Variants in APH1B observed in about 807,000 individuals in gnomAD.
APH1B encodes the protein gamma-secretase subunit APH-1B.
A neutral mutation model predicts 28.2 loss-of-function variants in APH1B; 27 were observed. The observed-to-expected ratio is 0.96, with a 90% CI of 0.70 to 1.32. APH1B has a LOEUF of 1.32. Ranked by LOEUF, APH1B falls within the 40% of genes most tolerant of loss-of-function variation. The pLI, the probability that APH1B is intolerant of heterozygous loss-of-function variation, is 0.00. For missense variants in APH1B, 305 were observed against 313.6 expected (o/e 0.97, Z 0.21); for synonymous variants, 141 against 124.6 (o/e 1.13, Z -0.88).
At chr15:63,278,138 G>A (rs2038345359) in intron 1 of APH1B, among the ~76,000 whole-genome samples, 1 of 151,838 alleles carries the variant, frequency 6.6e-6, no homozygotes, top group Non-Finnish European at 1.5e-5. Context: ...CGCGACTTCC[G>A]CCTATTAGAA....
chr15:63,294,815 T>C lies in APH1B; in HGVS notation c.478+7269T>C, dbSNP rs557828483. Reference sequence around the variant, plus strand: ...GATCAAAGTCCTTTGTTTCGGGTGGTAAGCTACATTTTCATCTCTAGTGAG... The same window carrying C: ...GATCAAAGTCCTTTGTTTCGGGTGGCAAGCTACATTTTCATCTCTAGTGAG... On this transcript the variant is annotated intron_variant, in intron 4 of 5. Coordinates refer to ENST00000261879, the MANE Select transcript of APH1B (RefSeq NM_031301.4). Among the ~76,000 whole-genome samples the C allele has an allele frequency of 5.9e-5, 9 of 152,360 alleles. No individual in the cohort carries two copies. In the South Asian group the frequency reaches 1.7e-3, roughly 28 times the overall value.
intron 1 of APH1B, chr15:63,278,242 G>GAAAA: frequency 4.7e-6 from 2 of 427,450 alleles, no homozygotes; most frequent in South Asian, 1.6e-5. Context: ...TCGGGCTTCA[G>GAAAA]AAAAAAAAAA....
At position 63,305,659 on chromosome 15, in the gene APH1B, A is replaced by G; in HGVS notation, c.652A>G (p.Ile218Val). The change falls in exon 6 of 6, where the codon ATA becomes GTA. Residue 218 changes from isoleucine to valine, a missense_variant. Physicochemically the swap from Ile to Val is conservative, Grantham distance 29. Coordinates refer to ENST00000261879, the MANE Select transcript of APH1B (RefSeq NM_031301.4). Reference sequence around the variant, plus strand: ...TGGAATAAACCTGGCGTCAGCATTTATAATCCTGGTGCTCATGGGCACCTG... The same window carrying G: ...TGGAATAAACCTGGCGTCAGCATTTGTAATCCTGGTGCTCATGGGCACCTG... Reference protein sequence around the residue: ...YYGINLASAFIILVLMGTWAF... With the variant: ...YYGINLASAFVILVLMGTWAF... The G allele has an allele frequency of 6.2e-7, 1 of 1,614,212 alleles. No individual in the cohort carries two copies. The highest frequency in any genetic ancestry group is 8.5e-7 in the Non-Finnish European group (1 of 1,180,034).
rs181611601 is a variant in APH1B, at chr15:63,293,325, T to C, written c.478+5779T>C. 6.4e-3 allele frequency among the ~76,000 whole-genome samples: 967 copies of C among 150,918 alleles called. 8 individuals carry two copies. Among genetic ancestry groups the C allele is most frequent in the African/African-American group, 0.021 (878 of 41,128 alleles). ...GACTACAGGCGCCTGCCACCACGCC[T>C]GGCTAATTTTTTGTATTTTTAGTAG... On this transcript the variant is annotated intron_variant, in intron 4 of 5. Coordinates refer to ENST00000261879, the MANE Select transcript of APH1B (RefSeq NM_031301.4).
intron 2 of APH1B, among the ~76,000 whole-genome samples, chr15:63,284,249 T>C (rs902527623): frequency 1.3e-5 from 2 of 150,896 alleles, no homozygotes; most frequent in African/African-American, 4.9e-5. Flanking sequence ...AGGGCCTCTC[T>C]GTTGCCCAGG....
chr15:63,286,339 G>T (rs7162752), intron 2 of APH1B, among the ~76,000 whole-genome samples: 4 of 152,120 alleles, frequency 2.6e-5, no homozygotes, highest in East Asian at 3.8e-4. Context: ...TTCTTTTATG[G>T]GAATGTCAAA....
intron 2 of APH1B, 74 bp downstream of exon 2, chr15:63,279,405 A>C (rs2038361722): frequency 7.1e-7 from 1 of 1,414,990 alleles, no homozygotes; most frequent in Admixed American, 1.8e-5. Flanking sequence ...TTGAAACGTG[A>C]ATATAGTATT....
chr15:63,307,305 C>G lies in APH1B; in HGVS notation c.*1524C>G, dbSNP rs2038696370. On this transcript the variant is annotated 3_prime_UTR_variant, in exon 6 of 6. Coordinates refer to ENST00000261879, the MANE Select transcript of APH1B (RefSeq NM_031301.4). Reference sequence around the variant, plus strand: ...TCATTCCAGAGACCAAAACCTTACTCATGAACTAGACCTTTATCGATATCA... The same window carrying G: ...TCATTCCAGAGACCAAAACCTTACTGATGAACTAGACCTTTATCGATATCA... The G allele has an allele frequency of 6.6e-6, 1 of 152,158 alleles. No homozygotes were observed. The highest frequency in any genetic ancestry group is 1.5e-5 in the Non-Finnish European group (1 of 68,026). 9.4% of individuals were successfully genotyped at this position (152,158 alleles called of 1,614,324 possible).
chr15:63,286,153 G>T (rs2038443045), intron 2 of APH1B, among the ~76,000 whole-genome samples: 1 of 152,118 alleles, frequency 6.6e-6, no homozygotes, highest in South Asian at 2.1e-4. Context: ...AGAACAAAGT[G>T]CCAACAAAGC....
intron 2 of APH1B, 32 bp from the exon 3 acceptor site, chr15:63,286,526 T>G: frequency 6.8e-7 from 1 of 1,480,574 alleles, no homozygotes; most frequent in Non-Finnish European, 9.0e-7. Context: ...TTTTTTTTTT[T>G]CTTCTTAATT....
At position 63,287,552 on chromosome 15, in the gene APH1B, T is replaced by C. The variant is rs2038461266; in HGVS notation, c.478+6T>C. 1 of 1,613,564 alleles carries C rather than the reference T, an allele frequency of 6.2e-7. No homozygotes were observed. Among genetic ancestry groups the C allele is most frequent in the African/African-American group, 1.3e-5 (1 of 74,902 alleles). ...TCAATTCTTCCTTTATTCAGGTATGTGTCTCATAGCTGTCAACATTCAGGC... is the reference window on the plus strand; with the variant it reads ...TCAATTCTTCCTTTATTCAGGTATGCGTCTCATAGCTGTCAACATTCAGGC... On this transcript the variant is annotated splice_donor_region_variant and intron_variant, in intron 4 of 5. Coordinates refer to ENST00000261879, the MANE Select transcript of APH1B (RefSeq NM_031301.4).
chr15:63,285,753 C>T (rs2038438844), intron 2 of APH1B, among the ~76,000 whole-genome samples: 1 of 152,182 alleles, frequency 6.6e-6, no homozygotes, highest in Admixed American at 6.5e-5. Flanking sequence ...CCACCATGCT[C>T]GGCTGAAGAT....
chr15:63,301,150 A>G (rs1173707732), intron 4 of APH1B, among the ~76,000 whole-genome samples: 1 of 152,226 alleles, frequency 6.6e-6, no homozygotes, highest in African/African-American at 2.4e-5. Flanking sequence ...GAGTTCTAAC[A>G]AGTTCCCAGG....
At chr15:63,280,286 A>G (rs1364066669) in intron 2 of APH1B, among the ~76,000 whole-genome samples, 1 of 152,222 alleles carries the variant, frequency 6.6e-6, no homozygotes, top group Non-Finnish European at 1.5e-5. Context: ...AGGACCTCAC[A>G]TGAAACCACT....
intron 4 of APH1B, chr15:63,292,095 T>A (rs2038512183): frequency 6.6e-6 from 1 of 152,224 alleles, no homozygotes; most frequent in Admixed American, 6.5e-5. Flanking sequence ...ATCTCTACAG[T>A]GTGGCAGTTT....
Position 63,304,750 on chromosome 15 carries a change from A to C in APH1B, c.607-864A>C, listed in dbSNP as rs2038668787. On this transcript the variant is annotated intron_variant, in intron 5 of 5. Coordinates refer to ENST00000261879, the MANE Select transcript of APH1B (RefSeq NM_031301.4). This position sits in a 1 kb window ranked among gnomAD's most constrained non-coding sequence, Gnocchi z 5.1. ...CTTTTGTAATTGTTTAAAAGAGGAA[A>C]AATGTTTTTTAAAGAAGAGAAGAAC... Among the ~76,000 whole-genome samples the C allele has an allele frequency of 6.6e-6, 1 of 152,228 alleles. No homozygotes were observed.
At chr15:63,288,224 T>G (rs1256146601) in intron 4 of APH1B, among the ~76,000 whole-genome samples, 1 of 152,238 alleles carries the variant, frequency 6.6e-6, no homozygotes, top group African/African-American at 2.4e-5. Context: ...ATGATTTGTA[T>G]CTTCTTTTAA....
In APH1B at chr15:63,300,395, T is replaced by TTG. The variant is rs1483818831; in HGVS notation, c.479-1948_479-1947dup. Among the ~76,000 whole-genome samples the TTG allele has an allele frequency of 3.9e-5, 6 of 152,342 alleles. No homozygotes were observed. The East Asian group carries it at 1.2e-3, about 29-fold the overall frequency. On this transcript the variant is annotated intron_variant, in intron 4 of 5. Coordinates refer to ENST00000261879, the MANE Select transcript of APH1B (RefSeq NM_031301.4). ...GTCATTGCTTTCTCTTGACATTTGA[T>TTG]TGTCATCTAGATTCTGAAAAACCCT... is the stretch of plus-strand genomic sequence containing the variant.
intron 2 of APH1B, among the ~76,000 whole-genome samples, chr15:63,279,725 C>T (rs2038365084): frequency 1.3e-5 from 2 of 151,218 alleles, no homozygotes; most frequent in Admixed American, 1.3e-4. Flanking sequence ...GCTAGGGAAG[C>T]ATTAAAACAA....
Sources: allele counts gnomAD v4.1 joint callset (sites outside exome capture counted in the v4.1 genomes callset), GRCh38; gene constraint gnomAD v4.1.1; non-coding constraint Gnocchi (gnomAD v3.1); transcripts MANE v1.5; gene names NCBI Gene and HGNC (gene_info 2026-07-23, HGNC 2026-07-21).